Variants in PREX2 observed in about 807,000 individuals in gnomAD.
The protein encoded by PREX2 is phosphatidylinositol 3,4,5-trisphosphate-dependent Rac exchanger 2 protein.
In PREX2, 107 loss-of-function variants were observed where a neutral mutation model predicts 203.2. The observed-to-expected ratio is 0.53, with a 90% confidence interval of 0.45 to 0.62. The LOEUF is 0.62. Ranked by LOEUF, PREX2 falls within the 20% of genes least tolerant of loss-of-function variation. PREX2 has a pLI of 0.00. For synonymous variants in PREX2, 672 were observed against 663.6 expected, an observed-to-expected ratio of 1.01 and a Z score of -0.19; for missense variants, 1,777 against 1,955.9, an observed-to-expected ratio of 0.91 and a Z score of 1.72.
At position 68,217,863 on chromosome 8, in the gene PREX2, T is replaced by A. The variant is rs950763911; in HGVS notation, c.4707+145T>A. ...GAGGTAACTCATGAATGAGAAATGC[T>A]CCCAGGGAGAAGATGCTGCAGGCAC... On this transcript the variant is annotated intron_variant, in intron 38 of 39. Transcript: ENST00000288368. 9 of 496,564 alleles carry A rather than the reference T, an allele frequency of 1.8e-5. No individual in the cohort carries two copies. In the African/African-American group the frequency reaches 3.2e-4, roughly 18 times the overall value. The allele number at this position is 496,564 out of a possible 1,614,324, so 30.8% of individuals were successfully genotyped here.
chr8:68,204,917 G>A (rs1452245592), intron 37 of PREX2, among the ~76,000 whole-genome samples: 1 of 151,520 alleles, frequency 6.6e-6, no homozygotes, highest in Admixed American at 6.6e-5. Context: ...TCCTGACCTC[G>A]TGATCCGCCC....
chr8:68,087,992 A>G (rs1390571132), intron 19 of PREX2, among the ~76,000 whole-genome samples, 183 bp downstream of exon 19: 1 of 152,198 alleles, frequency 6.6e-6, no homozygotes, highest in Non-Finnish European at 1.5e-5. Context: ...TCTAAGCCAT[A>G]TTTATCATTG....
At chr8:68,152,265 G>A (rs1036089727) in intron 34 of PREX2, among the ~76,000 whole-genome samples, 10 of 123,296 alleles carry the variant, frequency 8.1e-5, no homozygotes, top group Non-Finnish European at 1.1e-4. Flanking sequence ...CAGCCTGGGC[G>A]ACAGAGCGAG....
intron 2 of PREX2, among the ~76,000 whole-genome samples, chr8:68,018,511 C>T (rs1367697098): frequency 6.6e-6 from 1 of 151,790 alleles, no homozygotes; most frequent in Non-Finnish European, 1.5e-5. Flanking sequence ...AGGCTAAGAA[C>T]CTCAATGTTT....
intron 17 of PREX2, 70 bp from the exon 18 acceptor site, chr8:68,083,170 A>C: frequency 1.7e-6 from 2 of 1,173,336 alleles, no homozygotes; most frequent in Non-Finnish European, 2.3e-6. Flanking sequence ...TTCATATTCC[A>C]ATTTTGTGAA....
chr8:68,173,927 A>G (rs1013320802), intron 35 of PREX2, among the ~76,000 whole-genome samples: 2 of 152,220 alleles, frequency 1.3e-5, no homozygotes, highest in Admixed American at 6.6e-5. Context: ...GCATACCCCA[A>G]AAAGATAGTT....
chr8:67,978,624 G>A (rs192820104), intron 1 of PREX2, among the ~76,000 whole-genome samples: 2 of 152,048 alleles, frequency 1.3e-5, no homozygotes, highest in Admixed American at 6.6e-5. Context: ...GGATATTTGG[G>A]TAGTTTCCAG....
chr8:68,064,146 T>C lies in PREX2; in HGVS notation c.1339+3367T>C, dbSNP rs558388830. Among the ~76,000 whole-genome samples the C allele has an allele frequency of 2.0e-5, 3 of 152,260 alleles. No homozygotes were observed. The South Asian group carries it at 6.2e-4, about 32-fold the overall frequency. Reference sequence around the variant, plus strand: ...TGCTGACAATATACATGTTGTCTAGTGCTACTTTTTGTAGTAGGAATGCTT... The same window carrying C: ...TGCTGACAATATACATGTTGTCTAGCGCTACTTTTTGTAGTAGGAATGCTT... On this transcript the variant is annotated intron_variant, in intron 11 of 39. Coordinates refer to ENST00000288368, the MANE Select transcript of PREX2 (RefSeq NM_024870.4).
At chr8:68,015,980 T>C (rs1394331815) in intron 1 of PREX2, among the ~76,000 whole-genome samples, 1 of 152,214 alleles carries the variant, frequency 6.6e-6, no homozygotes, top group Non-Finnish European at 1.5e-5. Context: ...CTATTCCTTC[T>C]GATCTGACAT....
intron 1 of PREX2, among the ~76,000 whole-genome samples, chr8:67,968,063 T>TA (rs1805824631): frequency 9.7e-6 from 1 of 103,314 alleles, no homozygotes; most frequent in African/African-American, 4.8e-5. Context: ...CCCTAGAACT[T>TA]AAAGTATAAA....
At chr8:68,103,405 A>G (rs568866100) in intron 23 of PREX2, among the ~76,000 whole-genome samples, 1 of 152,372 alleles carries the variant, frequency 6.6e-6, no homozygotes, top group Admixed American at 6.5e-5. Context: ...GTGCTGCTAT[A>G]GTCAATAATT....
At chr8:67,991,353 C>T (rs1243891829) in intron 1 of PREX2, among the ~76,000 whole-genome samples, 3 of 152,022 alleles carry the variant, frequency 2.0e-5, no homozygotes, top group African/African-American at 7.3e-5. Flanking sequence ...AAAATGAGTA[C>T]ATTAGTCCAT....
At chr8:68,054,576 C>T (rs1267399026) in intron 9 of PREX2, among the ~76,000 whole-genome samples, 1 of 152,160 alleles carries the variant, frequency 6.6e-6, no homozygotes, top group Non-Finnish European at 1.5e-5. Context: ...TACAATGTTG[C>T]TCCTTCAACA....
At chr8:68,138,326 G>T in intron 32 of PREX2, 89 bp from the exon 33 acceptor site, 1 of 605,690 alleles carries the variant, frequency 1.7e-6, no homozygotes, top group Non-Finnish European at 2.7e-6. Flanking sequence ...ACACAGCAAA[G>T]TTGTTTTGGT....
chr8:68,062,575 T>G (rs2129611388), intron 11 of PREX2, among the ~76,000 whole-genome samples: 1 of 152,310 alleles, frequency 6.6e-6, no homozygotes, highest in South Asian at 2.1e-4. Flanking sequence ...GCTTTTGCTC[T>G]TCTCATTCAA....
intron 15 of PREX2, among the ~76,000 whole-genome samples, chr8:68,079,531 T>C (rs536577538): frequency 6.6e-6 from 1 of 152,282 alleles, no homozygotes; most frequent in African/African-American, 2.4e-5. Flanking sequence ...GAAGTTAAAT[T>C]CAGGCCTGTC....
Position 68,108,228 on chromosome 8 carries a change from T to C in PREX2, c.2835T>C (p.Val945=). Residue 945 remains valine, a synonymous_variant, in exon 24 of 40, where the codon GTT becomes GTC. Coordinates refer to ENST00000288368, the MANE Select transcript of PREX2 (RefSeq NM_024870.4). ...ACTGCCATGTCAATGTGATGGAAGT[T>C]TCTTATCCCAAAACATCAACCTCTT... is the stretch of plus-strand genomic sequence containing the variant. ...PTNCHVNVME[V]SYPKTSTSLG... 1 of 1,614,050 alleles carries C rather than the reference T, an allele frequency of 6.2e-7. No individual in the cohort carries two copies. The highest frequency in any genetic ancestry group is 1.7e-5 in the Admixed American group (1 of 59,992).
chr8:68,056,423 T>C (rs1340868402), intron 10 of PREX2, among the ~76,000 whole-genome samples: 2 of 152,092 alleles, frequency 1.3e-5, no homozygotes, highest in African/African-American at 4.8e-5. Context: ...AGGGTGTAGG[T>C]AAAGAGTCTG....
At chr8:68,209,254 G>A (rs967424701) in intron 37 of PREX2, among the ~76,000 whole-genome samples, 1 of 151,996 alleles carries the variant, frequency 6.6e-6, no homozygotes, top group Non-Finnish European at 1.5e-5. Context: ...ATGCTGCCCA[G>A]GTAACTTCAG....
Sources: gnomAD v4.1 joint callset for allele counts (sites outside exome capture counted in the v4.1 genomes callset) on GRCh38, gnomAD v4.1.1 for gene constraint, MANE v1.5 for transcripts, NCBI Gene and HGNC (gene_info 2026-07-23, HGNC 2026-07-21) for gene names.